The following SSBP2 variants were observed in gnomAD, a reference collection of about 807,000 sequenced individuals.
SSBP2 encodes the protein single-stranded DNA-binding protein 2.
Under a neutral mutation model 61.8 loss-of-function variants are expected in SSBP2, and 17 were observed. The ratio of observed to expected loss-of-function variants is 0.28; its 90% CI spans 0.19 to 0.41. SSBP2 has a LOEUF of 0.41. Ranked by LOEUF, SSBP2 falls within the 10% of genes least tolerant of loss-of-function variation. The pLI, the probability that SSBP2 is intolerant of heterozygous loss-of-function variation, is 1.00. For synonymous variants in SSBP2, 139 were observed against 141.3 expected (o/e 0.98, Z 0.12); for missense variants, 310 against 458.7 (o/e 0.68, Z 2.96).
At chr5:81,478,127 T>A (rs899963716) in intron 6 of SSBP2, among the ~76,000 whole-genome samples, 7 of 152,090 alleles carry the variant, frequency 4.6e-5, no homozygotes, top group Non-Finnish European at 7.4e-5. Context: ...TATATTCAAT[T>A]GTGAACTTAA....
chr5:81,502,282 T>G (rs1348256753), intron 5 of SSBP2, among the ~76,000 whole-genome samples: 1 of 152,186 alleles, frequency 6.6e-6, no homozygotes, highest in Non-Finnish European at 1.5e-5. Flanking sequence ...ATCATTCTTC[T>G]CCTCCTCAAA....
chr5:81,677,828 T>TG (rs1374238955), intron 1 of SSBP2, among the ~76,000 whole-genome samples: 4 of 112,078 alleles, frequency 3.6e-5, no homozygotes, highest in Non-Finnish European at 5.5e-5. Context: ...ACCTTAAGGG[T>TG]GAAAAAAAAA....
chr5:81,456,786 T>C (rs1385309048), intron 10 of SSBP2, among the ~76,000 whole-genome samples: 2 of 152,166 alleles, frequency 1.3e-5, no homozygotes, highest in Non-Finnish European at 2.9e-5. Flanking sequence ...GTGCCAAAAA[T>C]ATTTTTGAGC....
intron 8 of SSBP2, among the ~76,000 whole-genome samples, chr5:81,471,676 T>C (rs558692551): frequency 5.3e-4 from 81 of 152,082 alleles, no homozygotes; most frequent in African/African-American, 1.9e-3. Flanking sequence ...AATTCAAATA[T>C]CTAAATGAGG....
intron 9 of SSBP2, among the ~76,000 whole-genome samples, chr5:81,464,603 G>C (rs1340557153): frequency 6.6e-6 from 1 of 152,056 alleles, no homozygotes; most frequent in Admixed American, 6.5e-5. Context: ...TTAGTGACCA[G>C]GGTTGGGAAT....
chr5:81,497,438 C>G (rs145104435), intron 5 of SSBP2, among the ~76,000 whole-genome samples: 25 of 152,162 alleles, frequency 1.6e-4, no homozygotes, highest in Non-Finnish European at 2.2e-4. Context: ...ACTAAAAGCC[C>G]GCAAAAGATA....
intron 4 of SSBP2, among the ~76,000 whole-genome samples, chr5:81,516,097 T>C (rs1768999203): frequency 6.6e-6 from 1 of 151,998 alleles, no homozygotes; most frequent in African/African-American, 2.4e-5. Flanking sequence ...GAAAAAAGGA[T>C]GGGGAATAGA....
rs559178128 is a variant in SSBP2 at position 81,563,383 on chromosome 5, T to TA, written c.283-49667dup. Among the ~76,000 whole-genome samples the TA allele has an allele frequency of 9.0e-4, 136 of 151,480 alleles. 1 individual carries two copies. Among genetic ancestry groups the TA allele is most frequent in the South Asian group, 8.6e-3 (41 of 4,780 alleles). On this transcript the variant is annotated intron_variant, in intron 4 of 16. Transcript: ENST00000320672. The stretch of plus-strand genomic sequence containing the variant: ...TCAAAGCAGACCATAGAACAAAATG[T>TA]AAAAAAAAATTCTAAAGGTTCTAGA...
chr5:81,415,245 G>A lies in SSBP2; in HGVS notation c.*5259C>T, dbSNP rs1561366135. On this transcript the variant is annotated 3_prime_UTR_variant, in exon 17 of 17. Transcript: ENST00000320672. ...CATACTATACATTCACTGGCCACTT[G>A]TATCGATTAATGTTTTCAAAGACAG... The A allele has an allele frequency of 6.6e-6, 1 of 152,158 alleles. No homozygotes were observed. The highest frequency in any genetic ancestry group is 1.5e-5 in the Non-Finnish European group (1 of 68,030). The allele number at this position is 152,158 out of a possible 1,614,324, so 9.4% of individuals were successfully genotyped here.
chr5:81,690,658 T>C (rs1351832422), intron 1 of SSBP2, among the ~76,000 whole-genome samples: 1 of 152,072 alleles, frequency 6.6e-6, no homozygotes, highest in East Asian at 1.9e-4. Flanking sequence ...CTTTGAGCAT[T>C]TGACAGATCG....
chr5:81,516,179 T>C (rs1769006806), intron 4 of SSBP2, among the ~76,000 whole-genome samples: 1 of 151,980 alleles, frequency 6.6e-6, no homozygotes, highest in Non-Finnish European at 1.5e-5. Flanking sequence ...ATCAAACAAA[T>C]GAATGAATCC....
chr5:81,676,784 G>C (rs1029597415), intron 1 of SSBP2, among the ~76,000 whole-genome samples: 1 of 151,758 alleles, frequency 6.6e-6, no homozygotes, highest in Non-Finnish European at 1.5e-5. Context: ...AGTTATTTTA[G>C]AATTTAATAC....
At position 81,420,224 on chromosome 5, in the gene SSBP2, CAT is replaced by C. The variant is rs1191973360; in HGVS notation, c.*278_*279del. On this transcript the variant is annotated 3_prime_UTR_variant, in exon 17 of 17. Transcript: ENST00000320672. The stretch of plus-strand genomic sequence containing the variant: ...TGTGTATATGTCTGTATAACATACA[CAT>C]ATACAGTACATTCTCTTTCCCACAC... 4.4e-6 allele frequency: 2 copies of C among 453,394 alleles called. No homozygotes were observed. The highest frequency in any genetic ancestry group is 3.8e-5 in the Admixed American group (1 of 26,542). The allele number at this position is 453,394 out of a possible 1,614,324, so 28.1% of individuals were successfully genotyped here.
chr5:81,751,171 G>A, upstream of SSBP2: 3 of 956,384 alleles, frequency 3.1e-6, no homozygotes, highest in Non-Finnish European at 4.7e-6. Flanking sequence ...CCAAAGCTCC[G>A]CCCCCTTCGC....
At chr5:81,555,343 T>C (rs1772510450) in intron 4 of SSBP2, among the ~76,000 whole-genome samples, 1 of 152,126 alleles carries the variant, frequency 6.6e-6, no homozygotes, top group Non-Finnish European at 1.5e-5. Flanking sequence ...ATTTATAATT[T>C]ATATAACTCA....
At chr5:81,632,183 A>T (rs1164645632) in intron 3 of SSBP2, among the ~76,000 whole-genome samples, 1 of 152,218 alleles carries the variant, frequency 6.6e-6, no homozygotes, top group Non-Finnish European at 1.5e-5. Context: ...TTGTCATTAT[A>T]TAGTGTTCAT....
chr5:81,704,459 G>GCA (rs991246048), intron 1 of SSBP2, among the ~76,000 whole-genome samples: 24 of 151,990 alleles, frequency 1.6e-4, no homozygotes, highest in Non-Finnish European at 2.9e-4. Context: ...ATATACACAT[G>GCA]CACACACACA....
intron 5 of SSBP2, among the ~76,000 whole-genome samples, chr5:81,501,087 TG>T (rs1252160797): frequency 6.7e-6 from 1 of 149,076 alleles, no homozygotes; most frequent in African/African-American, 2.5e-5. Flanking sequence ...GGTGGGCACC[TG>T]TAATTCTAGC....
At chr5:81,544,126 T>G (rs1408288617) in intron 4 of SSBP2, among the ~76,000 whole-genome samples, 1 of 152,116 alleles carries the variant, frequency 6.6e-6, no homozygotes, top group Non-Finnish European at 1.5e-5. Context: ...CTCGGCTCAC[T>G]GCAAGCTCCG....
Sources: gnomAD v4.1 joint callset for allele counts (sites outside exome capture counted in the v4.1 genomes callset) on GRCh38, gnomAD v4.1.1 for gene constraint, MANE v1.5 for transcripts, NCBI Gene and HGNC (gene_info 2026-07-23, HGNC 2026-07-21) for gene names.